TEX11: variants seen among roughly 807,000 people sequenced by gnomAD.
The protein encoded by TEX11 is testis expressed 11.
TEX11 carries 7 observed loss-of-function variants against 84.4 expected under a neutral mutation model. The ratio of observed to expected loss-of-function variants is 0.08; its 90% CI spans 0.05 to 0.16. The LOEUF (loss-of-function observed/expected upper bound fraction) is 0.16, where lower values mean the gene tolerates loss of function less well. Among genes scored for constraint, TEX11 ranks in the 10% least tolerant of loss-of-function variants. The pLI is 1.00. For missense variants in TEX11, 551 were observed against 660.5 expected (o/e 0.83, Z 1.82); for synonymous variants, 264 against 222.8 (o/e 1.18, Z -1.64).
chrX:70,845,917 C>A (rs772452638), intron 7 of TEX11, among the ~76,000 whole-genome samples: 1 of 111,608 alleles, frequency 9.0e-6, no homozygotes, highest in South Asian at 3.8e-4. Flanking sequence ...CTTCGATATG[C>A]AACAAAAGTG....
chrX:70,812,746 A>G (rs1184576977), intron 8 of TEX11, among the ~76,000 whole-genome samples: 2 of 111,731 alleles, frequency 1.8e-5, no homozygotes, highest in African/African-American at 3.2e-5. Flanking sequence ...TAGATGCAAT[A>G]AAAAATGATA....
At chrX:70,670,649 G>T in intron 15 of TEX11, 135 bp from the exon 16 acceptor site, 1 of 660,233 alleles carries the variant, frequency 1.5e-6, no homozygotes, top group Non-Finnish European at 2.2e-6. Context: ...TTTATATAGG[G>T]TTCTAAGTGC....
At chrX:70,651,376 T>A in intron 17 of TEX11, 74 bp downstream of exon 17, 1 of 682,291 alleles carries the variant, frequency 1.5e-6, no homozygotes, top group South Asian at 3.0e-5. Flanking sequence ...AATGTTTTTT[T>A]CCCACTGTGG....
intron 13 of TEX11, among the ~76,000 whole-genome samples, chrX:70,706,100 C>T (rs997121049): frequency 1.8e-5 from 2 of 111,387 alleles, no homozygotes; most frequent in African/African-American, 6.5e-5. Context: ...AAATGTGGCA[C>T]ATATACACCA....
intron 8 of TEX11, among the ~76,000 whole-genome samples, chrX:70,811,190 A>G (rs1485857065): frequency 6.3e-5 from 6 of 95,953 alleles, no homozygotes; most frequent in Non-Finnish European, 8.3e-5. Flanking sequence ...CCCACCCCAC[A>G]ACAGGCCCCA....
At chrX:70,583,043 T>A (rs2088801252) in intron 25 of TEX11, among the ~76,000 whole-genome samples, 1 of 111,269 alleles carries the variant, frequency 9.0e-6, no homozygotes, top group African/African-American at 3.3e-5. Flanking sequence ...TGATTGTCAC[T>A]TTGTTTAAAT....
intron 12 of TEX11, chrX:70,724,010 T>C (rs2090580954): frequency 4.5e-6 from 3 of 667,639 alleles, no homozygotes; most frequent in South Asian, 1.6e-4. Context: ...AGTATCTAGA[T>C]TGAGTTAAGT....
chrX:70,838,291 T>C lies in TEX11; in HGVS notation c.526-4698A>G, dbSNP rs887880051. Among the ~76,000 whole-genome samples the C allele has an allele frequency of 7.2e-5, 8 of 110,777 alleles. No homozygotes were observed. The East Asian group carries it at 8.5e-4, about 12-fold the overall frequency. On this transcript the variant is annotated intron_variant, in intron 7 of 29. Transcript: ENST00000374333. Reference sequence around the variant, plus strand: ...AAATTTAGCCTAGCATGGTGGCGGCTGTCTGTAGTCCCAGCTAGCTACTCG... The same window carrying C: ...AAATTTAGCCTAGCATGGTGGCGGCCGTCTGTAGTCCCAGCTAGCTACTCG...
chrX:70,715,319 C>G (rs925662806), intron 13 of TEX11, among the ~76,000 whole-genome samples: 1 of 111,249 alleles, frequency 9.0e-6, no homozygotes, highest in Non-Finnish European at 1.9e-5. Context: ...CTCTGTATTT[C>G]CTGAATCTGA....
At chrX:70,697,285 TACTC>T (rs746613150) in intron 13 of TEX11, among the ~76,000 whole-genome samples, 5 of 111,981 alleles carry the variant, frequency 4.5e-5, no homozygotes, top group South Asian at 7.5e-4. Flanking sequence ...TAAGGTAACA[TACTC>T]ACAGCCCCAG....
At chrX:70,633,463 T>TA (rs2089533962) in intron 17 of TEX11, among the ~76,000 whole-genome samples, 1 of 111,904 alleles carries the variant, frequency 8.9e-6, no homozygotes, top group South Asian at 3.8e-4. Context: ...GCTTTCCCCC[T>TA]AAAATCAGGA....
rs181602359 is a variant in TEX11 at position 70,817,489 on chromosome X, C to T, written c.607-10699G>A. 2.7e-5 allele frequency among the ~76,000 whole-genome samples: 3 copies of T among 112,139 alleles called. No homozygotes were observed. In the East Asian group the frequency reaches 8.4e-4, roughly 32 times the overall value. On this transcript the variant is annotated intron_variant, in intron 8 of 29. Transcript: ENST00000374333. Reference sequence around the variant, plus strand: ...CCAGAAGGCTGAGGTGGGAAGATTGCTTGAGCCCGGGAAATCGAGGCTGCA... The same window carrying T: ...CCAGAAGGCTGAGGTGGGAAGATTGTTTGAGCCCGGGAAATCGAGGCTGCA...
chrX:70,578,878 C>A (rs1346946390), intron 25 of TEX11, among the ~76,000 whole-genome samples: 1 of 101,058 alleles, frequency 9.9e-6, no homozygotes, highest in Non-Finnish European at 2.0e-5. Context: ...TCGAGCAATT[C>A]TCCTGCCTCA....
intron 9 of TEX11, among the ~76,000 whole-genome samples, chrX:70,786,474 A>AAAAT (rs760113343): frequency 2.5e-4 from 28 of 111,307 alleles, no homozygotes; most frequent in Non-Finnish European, 3.0e-4. Context: ...GAAGTATAAT[A>AAAAT]AAATAAATAG....
At chrX:70,645,640 A>G (rs776614646) in intron 17 of TEX11, among the ~76,000 whole-genome samples, 4 of 112,016 alleles carry the variant, frequency 3.6e-5, no homozygotes, top group Admixed American at 1.9e-4. Context: ...ACATACTAAC[A>G]ACAAACTACC....
chrX:70,612,261 GA>G (rs1244713929), intron 20 of TEX11, among the ~76,000 whole-genome samples: 1 of 111,190 alleles, frequency 9.0e-6, no homozygotes, highest in Admixed American at 9.6e-5. Flanking sequence ...CAGCTTTTAA[GA>G]AAAAATTAGA....
chrX:70,567,418 G>C (rs1377474515), intron 25 of TEX11, among the ~76,000 whole-genome samples: 1 of 110,882 alleles, frequency 9.0e-6, no homozygotes, highest in Non-Finnish European at 1.9e-5. Context: ...GTTCTGCTCT[G>C]ATTTTAGTTA....
chrX:70,591,190 A>G (rs1332284230), intron 25 of TEX11, among the ~76,000 whole-genome samples: 1 of 112,253 alleles, frequency 8.9e-6, no homozygotes, highest in Admixed American at 9.5e-5. Flanking sequence ...TATGTTAAAC[A>G]ATAATAAAAT....
chrX:70,636,838 T>C (rs1019708915), intron 17 of TEX11, among the ~76,000 whole-genome samples: 2 of 112,072 alleles, frequency 1.8e-5, no homozygotes, highest in African/African-American at 3.2e-5. Context: ...GCCAAAGGAC[T>C]CCAGGAGTCA....
Sources: gnomAD v4.1 joint callset for allele counts (sites outside exome capture counted in the v4.1 genomes callset) on GRCh38, gnomAD v4.1.1 for gene constraint, MANE v1.5 for transcripts, NCBI Gene and HGNC (gene_info 2026-07-23, HGNC 2026-07-21) for gene names.